ABHD2: variants seen among roughly 807,000 people sequenced by gnomAD.
The protein encoded by ABHD2 is abhydrolase domain containing 2, acylglycerol lipase, also known as monoacylglycerol lipase ABHD2.
Under a neutral mutation model 48.1 loss-of-function variants are expected in ABHD2, and 20 were observed. That is an observed-to-expected ratio of 0.42 (90% CI 0.29 to 0.60). The LOEUF is 0.60. ABHD2 is among the 20% of genes least tolerant of loss of function. The pLI is 0.24. For missense variants in ABHD2, 405 were observed against 550.9 expected (o/e 0.74, Z 2.65); for synonymous variants, 209 against 214.2 (o/e 0.98, Z 0.21).
At chr15:89,055,711 G>A in the ABHD2 span, among the ~76,000 whole-genome samples, 1 of 151,974 alleles carries the variant, frequency 6.6e-6, no homozygotes, top group Non-Finnish European at 1.5e-5. Flanking sequence ...ATATGGGGGC[G>A]GTTGAATAAT....
intron 5 of ABHD2, among the ~76,000 whole-genome samples, chr15:89,172,532 A>T (rs2050947071): frequency 6.6e-6 from 1 of 152,248 alleles, no homozygotes; most frequent in Non-Finnish European, 1.5e-5. Context: ...ATCAAGGCAC[A>T]CTTGGGTTGG....
the ABHD2 span, among the ~76,000 whole-genome samples, chr15:89,054,247 A>G: frequency 0.019 from 2,911 of 151,104 alleles, 118 homozygotes; most frequent in East Asian, 0.13. Flanking sequence ...GCTTGAACCC[A>G]GGAGGTGGAA....
At position 89,201,937 on chromosome 15, in the gene ABHD2, ATCTGCTT is replaced by A; in HGVS notation, c.*6515_*6521del. On this transcript the variant is annotated 3_prime_UTR_variant, in exon 11 of 11. Coordinates refer to ENST00000352732, the MANE Select transcript of ABHD2 (RefSeq NM_152924.5). Reference sequence around the variant, plus strand: ...TTCAACCACATTCTTATGTTGGCAGATCTGCTTCCAGATTGATTTTTAGAGCACCATC... The same window carrying A: ...TTCAACCACATTCTTATGTTGGCAGACCAGATTGATTTTTAGAGCACCATC... 1.1e-5 allele frequency: 6 copies of A among 524,142 alleles called. No homozygotes were observed. Among genetic ancestry groups the A allele is most frequent in the Admixed American group, 3.7e-5 (1 of 27,202 alleles). 32.5% of individuals were successfully genotyped at this position (524,142 alleles called of 1,614,324 possible). A position where few individuals can be genotyped will look rare whatever the true frequency, so the allele number is the denominator to read the frequency against.
intron 9 of ABHD2, among the ~76,000 whole-genome samples, chr15:89,192,569 G>A (rs530622614): frequency 6.6e-5 from 10 of 151,666 alleles, no homozygotes; most frequent in Admixed American, 2.6e-4. Flanking sequence ...GAGTGCGGTG[G>A]CATGATCATA....
At chr15:89,144,884 T>C (rs8025377) in intron 3 of ABHD2, among the ~76,000 whole-genome samples, 94,309 of 152,110 alleles carry the variant, frequency 0.62, 30,842 homozygotes, top group East Asian at 0.84. Context: ...TCAAAATGTG[T>C]TACTGTGCTT....
In ABHD2 at chr15:89,106,090, G is replaced by A. The variant is rs1240943263; in HGVS notation, c.-106-7635G>A. Among the ~76,000 whole-genome samples the A allele has an allele frequency of 6.6e-6, 1 of 152,156 alleles. No individual in the cohort carries two copies. The highest frequency in any genetic ancestry group is 1.5e-5 in the Non-Finnish European group (1 of 68,026). On this transcript the variant is annotated intron_variant, in intron 1 of 10. Transcript: ENST00000352732. The surrounding 1 kb of genome is among the most constrained non-coding windows in gnomAD (Gnocchi z 4.2). ...GCACTTTGGGAGGCCGAGGCAGGTGGATCACCTGAGGTCAGGAGTTCGAGA... is the reference window on the plus strand; with the variant it reads ...GCACTTTGGGAGGCCGAGGCAGGTGAATCACCTGAGGTCAGGAGTTCGAGA...
Position 89,186,028 on chromosome 15 carries a change from T to C in ABHD2, c.815+512T>C, listed in dbSNP as rs2051202788. Among the ~76,000 whole-genome samples the C allele has an allele frequency of 6.6e-6, 1 of 152,246 alleles. No individual in the cohort carries two copies. Among genetic ancestry groups the C allele is most frequent in the South Asian group, 2.1e-4 (1 of 4,834 alleles). On this transcript the variant is annotated intron_variant, in intron 7 of 10. Coordinates refer to ENST00000352732, the MANE Select transcript of ABHD2 (RefSeq NM_152924.5). The surrounding 1 kb of genome is among the most constrained non-coding windows in gnomAD (Gnocchi z 4.3). ...TTTGCCAAATTGCCTTATGCTTTTA[T>C]AATTCCCAGTAAATCTAAGACAATG...
At chr15:89,194,012 G>C (rs2051351007) in intron 10 of ABHD2, among the ~76,000 whole-genome samples, 1 of 151,904 alleles carries the variant, frequency 6.6e-6, no homozygotes, top group Non-Finnish European at 1.5e-5. Context: ...GATCACTTGA[G>C]TCCAGAAGTT....
chr15:89,171,081 A>C (rs2050919977), intron 5 of ABHD2, among the ~76,000 whole-genome samples: 3 of 152,066 alleles, frequency 2.0e-5, no homozygotes, highest in Admixed American at 2.0e-4. Context: ...GCACCACTGC[A>C]CTCCAGCCTG....
rs2050503585 is a variant in ABHD2, at chr15:89,147,029, C to G, written c.195-4648C>G. Among the ~76,000 whole-genome samples, 3 of 152,220 alleles carry G rather than the reference C, an allele frequency of 2.0e-5. No individual in the cohort carries two copies. The South Asian group carries it at 6.2e-4, about 32-fold the overall frequency. On this transcript the variant is annotated intron_variant, in intron 3 of 10. Coordinates refer to ENST00000352732, the MANE Select transcript of ABHD2 (RefSeq NM_152924.5). The stretch of plus-strand genomic sequence containing the variant: ...TCAACTATCAAAGTATCTCATAAAG[C>G]TATATTAATTAAAGCAGTGTCATAC...
chr15:89,131,928 A>G (rs2050225823), intron 3 of ABHD2, among the ~76,000 whole-genome samples: 1 of 152,150 alleles, frequency 6.6e-6, no homozygotes, highest in Admixed American at 6.5e-5. Flanking sequence ...TTAAGAAATA[A>G]AGGCAAGTGT....
chr15:89,098,748 C>A (rs1470840811), intron 1 of ABHD2, among the ~76,000 whole-genome samples: 2 of 152,194 alleles, frequency 1.3e-5, no homozygotes. Context: ...TAGTTCCTTT[C>A]CCTCCATCTA....
At chr15:89,081,129 A>G in the ABHD2 span, among the ~76,000 whole-genome samples, 1 of 147,858 alleles carries the variant, frequency 6.8e-6, no homozygotes, top group Non-Finnish European at 1.5e-5. Context: ...CCTCCCAAGT[A>G]GATGGGACTA....
chr15:89,180,461 G>A (rs1463833775), intron 6 of ABHD2, among the ~76,000 whole-genome samples: 1 of 152,208 alleles, frequency 6.6e-6, no homozygotes, highest in Non-Finnish European at 1.5e-5. Flanking sequence ...ACAAAGCCCA[G>A]CCTGGCAGGT....
chr15:89,171,318 G>A (rs538074127), intron 5 of ABHD2, among the ~76,000 whole-genome samples: 6 of 152,186 alleles, frequency 3.9e-5, no homozygotes, highest in African/African-American at 1.4e-4. Context: ...TTCTGATTCC[G>A]TGGGTTTGGG....
chr15:89,057,434 A>C, the ABHD2 span, among the ~76,000 whole-genome samples: 40 of 152,344 alleles, frequency 2.6e-4, no homozygotes, highest in Admixed American at 5.9e-4. Context: ...CACAGTGACC[A>C]CTGGGAAGTT....
Position 89,201,051 on chromosome 15 carries a change from C to T in ABHD2, c.*5628C>T. ...GAGCCGAGATCACGCCTCTGCACTC[C>T]AGCCTGGGCAACAAGAGTGAGACTC... On this transcript the variant is annotated 3_prime_UTR_variant, in exon 11 of 11. Transcript: ENST00000352732. 2.7e-6 allele frequency: 2 copies of T among 736,458 alleles called. No individual in the cohort carries two copies. Among genetic ancestry groups the T allele is most frequent in the Admixed American group, 2.2e-5 (1 of 46,030 alleles). The allele number at this position is 736,458 out of a possible 1,614,324, so 45.6% of individuals were successfully genotyped here. A position where few individuals can be genotyped will look rare whatever the true frequency, so the allele number is the denominator to read the frequency against.
intron 1 of ABHD2, among the ~76,000 whole-genome samples, chr15:89,111,485 G>C (rs1203012903): frequency 1.3e-5 from 2 of 152,160 alleles, no homozygotes; most frequent in East Asian, 3.9e-4. Context: ...TCAGATTTCT[G>C]TCTCTCTGCC....
the ABHD2 span, among the ~76,000 whole-genome samples, chr15:89,058,881 A>G: frequency 2.6e-5 from 4 of 152,210 alleles, no homozygotes; most frequent in African/African-American, 9.6e-5. Context: ...CGCAGAAGCC[A>G]TCCTTTCAAG....
Sources: allele counts gnomAD v4.1 joint callset (sites outside exome capture counted in the v4.1 genomes callset), GRCh38; gene constraint gnomAD v4.1.1; non-coding constraint Gnocchi (gnomAD v3.1); transcripts MANE v1.5; gene names NCBI Gene and HGNC (gene_info 2026-07-23, HGNC 2026-07-21).